The following CUL4B variants were observed in gnomAD, a reference collection of about 807,000 sequenced individuals.
The protein encoded by CUL4B is cullin 4B.
Under a neutral mutation model 69.2 loss-of-function variants are expected in CUL4B, and 1 was observed. The observed-to-expected ratio is 0.01, with a 90% CI of 0.01 to 0.07. The LOEUF is 0.07. Among genes scored for constraint, CUL4B ranks in the 10% least tolerant of loss-of-function variants. CUL4B has a pLI of 1.00. For missense variants in CUL4B, 328 were observed against 638.8 expected (o/e 0.51, Z 5.24); for synonymous variants, 237 against 223.2 (o/e 1.06, Z -0.55).
intron 2 of CUL4B, among the ~76,000 whole-genome samples, chrX:120,573,816 T>C (rs1440137989): frequency 8.9e-6 from 1 of 112,027 alleles, no homozygotes; most frequent in Non-Finnish European, 1.9e-5. Flanking sequence ...GGAATTTCCT[T>C]CCTTTTCTTT....
In CUL4B at chrX:120,556,911, ATATT is replaced by A. The variant is rs1370417817; in HGVS notation, c.672+1009_672+1012del. ...AGCTATTGTACTCTGAAGTATATATATATTTTTTTTTTTTTTTGAGATGGAGTTT... is the reference window on the plus strand; with the variant it reads ...AGCTATTGTACTCTGAAGTATATATATTTTTTTTTTTTTGAGATGGAGTTT... On this transcript the variant is annotated intron_variant, in intron 2 of 19. Coordinates refer to ENST00000371322, the MANE Select transcript of CUL4B (RefSeq NM_001079872.2). Among the ~76,000 whole-genome samples the A allele has an allele frequency of 6.4e-3, 448 of 69,913 alleles. 3 individuals are homozygous for A. Among genetic ancestry groups the A allele is most frequent in the African/African-American group, 0.028 (420 of 14,763 alleles). The allele number at this position is 69,913 out of a possible 115,157, so 60.7% of individuals were successfully genotyped here.
At chrX:120,532,952 T>C (rs1923416080) in intron 17 of CUL4B, among the ~76,000 whole-genome samples, 1 of 111,679 alleles carries the variant, frequency 9.0e-6, no homozygotes, top group Non-Finnish European at 1.9e-5. Context: ...CTACCAAATA[T>C]TCCAAAATGA....
At chrX:120,528,224 T>G (rs1254095810) in intron 19 of CUL4B, among the ~76,000 whole-genome samples, 4 of 107,475 alleles carry the variant, frequency 3.7e-5, no homozygotes, top group African/African-American at 1.4e-4. Context: ...CTGGCTAACA[T>G]GGCAAAACCC....
chrX:120,526,673 TA>T lies in CUL4B; in HGVS notation c.*87del. On this transcript the variant is annotated 3_prime_UTR_variant, in exon 20 of 20. Coordinates refer to ENST00000371322, the MANE Select transcript of CUL4B (RefSeq NM_001079872.2). ...CACTGCTTCATTTGGTCATCGGTAG[TA>T]AAAAAGGAGTCAAATAATATTGAAT... 1 of 604,208 alleles carries T rather than the reference TA, an allele frequency of 1.7e-6. No homozygotes were observed. Among genetic ancestry groups the T allele is most frequent in the Non-Finnish European group, 2.8e-6 (1 of 361,575 alleles). The allele number at this position is 604,208 out of a possible 1,213,427, so 49.8% of individuals were successfully genotyped here.
intron 2 of CUL4B, among the ~76,000 whole-genome samples, chrX:120,572,478 A>G (rs992539410): frequency 6.3e-4 from 68 of 107,355 alleles, no homozygotes; most frequent in South Asian, 2.4e-3. Context: ...AAAAAAAAAA[A>G]AAAAAGAAAA....
At chrX:120,529,278 G>A (rs1283461150) in intron 19 of CUL4B, among the ~76,000 whole-genome samples, 2 of 111,645 alleles carry the variant, frequency 1.8e-5, no homozygotes, top group South Asian at 3.7e-4. Context: ...AAGAGCTACC[G>A]AGTGCTTATT....
intron 3 of CUL4B, 113 bp from the exon 4 acceptor site, chrX:120,546,729 A>G (rs1278831808): frequency 3.9e-6 from 2 of 506,681 alleles, no homozygotes; most frequent in Admixed American, 7.1e-5. Flanking sequence ...GTGAAACTAA[A>G]TGGCACTTGA....
At chrX:120,540,591 G>A (rs1326267477) in intron 10 of CUL4B, 29 bp from the exon 11 acceptor site, 5 of 1,032,865 alleles carry the variant, frequency 4.8e-6, no homozygotes, top group East Asian at 3.0e-5. Context: ...ACTTTTTACT[G>A]TAATCGAATT....
At chrX:120,561,462 G>T, upstream of CUL4B, 1 of 477,285 alleles carries the variant, frequency 2.1e-6, no homozygotes, top group East Asian at 4.2e-5. Context: ...AGGGGGGAGG[G>T]AGAAATTGGG....
In CUL4B at chrX:120,524,320, T is replaced by C. The variant is rs897511516; in HGVS notation, c.*2441A>G. On this transcript the variant is annotated 3_prime_UTR_variant, in exon 20 of 20. Transcript: ENST00000371322. ...CTAGACTCATTTCATATTGACTTTATGAAACAATTTGACACTGAGGATTTG... is the reference window on the plus strand; with the variant it reads ...CTAGACTCATTTCATATTGACTTTACGAAACAATTTGACACTGAGGATTTG... Among the ~76,000 whole-genome samples the C allele has an allele frequency of 1.8e-5, 2 of 111,821 alleles. No individual in the cohort carries two copies. Among genetic ancestry groups the C allele is most frequent in the African/African-American group, 3.2e-5 (1 of 30,821 alleles).
chrX:120,550,911 T>C (rs1411914215), intron 2 of CUL4B, among the ~76,000 whole-genome samples: 2 of 111,393 alleles, frequency 1.8e-5, no homozygotes, highest in Non-Finnish European at 3.8e-5. Context: ...AATAAAAACA[T>C]ACACAGTCGT....
Position 120,537,388 on chromosome X carries a change from A to AC in CUL4B, c.1939-355dup, listed in dbSNP as rs200786671. Among the ~76,000 whole-genome samples, 422 of 110,128 alleles carry AC rather than the reference A, an allele frequency of 3.8e-3. 2 individuals carry two copies. The highest frequency in any genetic ancestry group is 0.014 in the Middle Eastern group (3 of 212). On this transcript the variant is annotated intron_variant, in intron 14 of 19. Coordinates refer to ENST00000371322, the MANE Select transcript of CUL4B (RefSeq NM_001079872.2). ...TTGAATACCCCTATGTGGCTTAAAC[A>AC]CCTTGCAGCAACCCCCATTCCTCAC... is the stretch of plus-strand genomic sequence containing the variant.
chrX:120,532,195 CTAAA>C (rs1923358919), intron 18 of CUL4B: 10 of 339,886 alleles, frequency 2.9e-5, no homozygotes, highest in Non-Finnish European at 4.6e-5. Flanking sequence ...AGATTGAATA[CTAAA>C]TAAACAAAGT....
chrX:120,549,235 G>T (rs1434175361), intron 2 of CUL4B, among the ~76,000 whole-genome samples: 1 of 112,164 alleles, frequency 8.9e-6, no homozygotes, highest in Non-Finnish European at 1.9e-5. Context: ...CCAATATGCA[G>T]GTCCAGTAAA....
chrX:120,537,356 C>T (rs547671560), intron 14 of CUL4B, among the ~76,000 whole-genome samples: 2 of 110,743 alleles, frequency 1.8e-5, no homozygotes, highest in South Asian at 7.8e-4. Context: ...ACCTGCAGTC[C>T]CCACCTTTGA....
At chrX:120,538,598 TA>T in intron 13 of CUL4B, 61 bp downstream of exon 13, 2 of 767,960 alleles carry the variant, frequency 2.6e-6, no homozygotes, top group Non-Finnish European at 4.0e-6. Flanking sequence ...ATTGAAAGGG[TA>T]AAAAGCTAAC....
chrX:120,537,944 T>C (rs1473332768), intron 14 of CUL4B, among the ~76,000 whole-genome samples, 180 bp downstream of exon 14: 1 of 111,940 alleles, frequency 8.9e-6, no homozygotes, highest in Admixed American at 9.5e-5. Context: ...CAAAAATAAA[T>C]CCTAAAGTAG....
chrX:120,531,849 C>T (rs749620514), intron 18 of CUL4B, among the ~76,000 whole-genome samples: 11 of 111,178 alleles, frequency 9.9e-5, no homozygotes, highest in Middle Eastern at 4.7e-3. Context: ...ATCTTTAGTG[C>T]TGGGGGACAT....
chrX:120,565,190 G>A (rs1925455986), upstream of CUL4B, among the ~76,000 whole-genome samples: 1 of 110,253 alleles, frequency 9.1e-6, no homozygotes, highest in African/African-American at 3.3e-5. Context: ...TAGCCATCTG[G>A]GGTGCTTTAG....
Sources: allele counts gnomAD v4.1 joint callset (sites outside exome capture counted in the v4.1 genomes callset), GRCh38; gene constraint gnomAD v4.1.1; transcripts MANE v1.5; gene names NCBI Gene and HGNC (gene_info 2026-07-23, HGNC 2026-07-21).